The following KCNC2 variants were observed in gnomAD, a reference collection of about 807,000 sequenced individuals.
The protein encoded by KCNC2 is voltage-gated potassium channel KCNC2.
In KCNC2, 21 loss-of-function variants were observed where a neutral mutation model predicts 44.5. That is an observed-to-expected ratio of 0.47 (90% confidence interval 0.33 to 0.68). KCNC2 has a LOEUF of 0.68. KCNC2 is among the 30% of genes least tolerant of loss of function. The pLI is 0.01. For synonymous variants in KCNC2, 391 were observed against 339.1 expected (o/e 1.15, Z -1.68); for missense variants, 589 against 826.2 (o/e 0.71, Z 3.52).
At chr12:75,200,950 A>G (rs2137779623) in intron 2 of KCNC2, among the ~76,000 whole-genome samples, 1 of 151,824 alleles carries the variant, frequency 6.6e-6, no homozygotes, top group East Asian at 1.9e-4. Flanking sequence ...AAGGGGAAAA[A>G]CATGGTGTTG....
At chr12:75,074,544 C>T (rs959849949) in intron 2 of KCNC2, among the ~76,000 whole-genome samples, 7 of 152,096 alleles carry the variant, frequency 4.6e-5, no homozygotes, top group African/African-American at 1.7e-4. Flanking sequence ...ACAGTTTTAG[C>T]CTCACTTAGA....
intron 2 of KCNC2, among the ~76,000 whole-genome samples, chr12:75,065,642 A>G (rs1428260395): frequency 1.3e-5 from 2 of 152,084 alleles, no homozygotes; most frequent in African/African-American, 2.4e-5. Flanking sequence ...CATGTTGTAC[A>G]GGTTTGTAGC....
At position 75,104,409 on chromosome 12, in the gene KCNC2, G is replaced by A. The variant is rs115817602; in HGVS notation, c.688-53092C>T. Among the ~76,000 whole-genome samples, 822 of 152,022 alleles carry A rather than the reference G, an allele frequency of 5.4e-3. 6 individuals are homozygous for A. Among genetic ancestry groups the A allele is most frequent in the African/African-American group, 0.018 (765 of 41,456 alleles). On this transcript the variant is annotated intron_variant, in intron 2 of 4. Transcript: ENST00000549446. ...GGAATTTTCAATTTAATATTTTCAG[G>A]CCACAAACCACTAACTGGGTGTAAC...
At chr12:75,081,091 C>T (rs1884456744) in intron 2 of KCNC2, among the ~76,000 whole-genome samples, 1 of 118,574 alleles carries the variant, frequency 8.4e-6, no homozygotes, top group South Asian at 2.6e-4. Flanking sequence ...TATAGCCTTC[C>T]TGTAACGCTA....
chr12:75,043,137 G>A lies in KCNC2; in HGVS notation c.1885C>T (p.Arg629Cys), dbSNP rs200051664. 17 of 1,612,170 alleles carry A rather than the reference G, an allele frequency of 1.1e-5. No homozygotes were observed. The highest frequency in any genetic ancestry group is 1.7e-5 in the Admixed American group (1 of 59,836). The part of the protein sequence containing the change: ...SPYNSPCPLR[R>C]SRSPIPSIL The stretch of plus-strand genomic sequence containing the variant: ...ATAGATGGGATGGGAGATCGAGAGC[G>A]CCTCAGAGGACAAGGAGAGTTGTAG... Residue 629 changes from arginine to cysteine, a missense_variant, in exon 5 of 5, where the codon CGC becomes TGC. Arg to Cys is a radical substitution (Grantham distance 180, BLOSUM62 -3). Coordinates refer to ENST00000549446, the MANE Select transcript of KCNC2 (RefSeq NM_139137.4).
chr12:75,083,448 G>T (rs941706046), intron 2 of KCNC2, among the ~76,000 whole-genome samples: 1 of 151,870 alleles, frequency 6.6e-6, no homozygotes, highest in Non-Finnish European at 1.5e-5. Context: ...ACCAATGGGG[G>T]TGCATATTAA....
Position 75,050,706 on chromosome 12 carries a change from C to T in KCNC2, c.1299G>A (p.Val433=), listed in dbSNP as rs770146247. The part of the protein sequence containing the change: ...NIPIGFWWAV[V]TMTTLGYGDM... ...CCCCATAACCCAGGGTAGTCATGGT[C>T]ACTACAGCCCACCAGAACCCAATGG... The change falls in exon 3 of 5, where the codon GTG becomes GTA. Residue 433 remains valine, a synonymous_variant. Transcript: ENST00000549446. 5.6e-6 allele frequency: 9 copies of T among 1,613,534 alleles called. No individual in the cohort carries two copies. The South Asian group carries it at 8.8e-5, about 16-fold the overall frequency.
At chr12:75,181,224 GA>G (rs896128770) in intron 2 of KCNC2, among the ~76,000 whole-genome samples, 11 of 151,340 alleles carry the variant, frequency 7.3e-5, no homozygotes, top group South Asian at 2.1e-4. Flanking sequence ...GAAATGAAAG[GA>G]AAAAAAACAG....
In KCNC2 at chr12:75,130,835, A is replaced by G. The variant is rs1888790771; in HGVS notation, c.687+76462T>C. 2.6e-5 allele frequency among the ~76,000 whole-genome samples: 4 copies of G among 152,078 alleles called. No homozygotes were observed. In the South Asian group the frequency reaches 8.3e-4, roughly 32 times the overall value. ...CATGGTAAAATGAGGCAGGAAAGAC[A>G]GATAGGGAAGCTCAGATTTAGTCTA... On this transcript the variant is annotated intron_variant, in intron 2 of 4. Coordinates refer to ENST00000549446, the MANE Select transcript of KCNC2 (RefSeq NM_139137.4).
chr12:75,041,768 G>A lies in KCNC2; in HGVS notation c.*1337C>T, dbSNP rs984795618. The A allele has an allele frequency of 1.0e-6, 1 of 991,106 alleles. No individual in the cohort carries two copies. Among genetic ancestry groups the A allele is most frequent in the African/African-American group, 1.7e-5 (1 of 57,238 alleles). The allele number at this position is 991,106 out of a possible 1,614,324, so 61.4% of individuals were successfully genotyped here. A position where few individuals can be genotyped will look rare whatever the true frequency, so the allele number is the denominator to read the frequency against. Reference sequence around the variant, plus strand: ...CTGCTTAAACCCTGCTTATCAAAAAGATTCACAGTGCCGATTAACTTAGGT... The same window carrying A: ...CTGCTTAAACCCTGCTTATCAAAAAAATTCACAGTGCCGATTAACTTAGGT... On this transcript the variant is annotated 3_prime_UTR_variant, in exon 5 of 5. Coordinates refer to ENST00000549446, the MANE Select transcript of KCNC2 (RefSeq NM_139137.4).
chr12:75,193,868 G>C (rs2030525821), intron 2 of KCNC2, among the ~76,000 whole-genome samples: 1 of 152,058 alleles, frequency 6.6e-6, no homozygotes, highest in Non-Finnish European at 1.5e-5. Context: ...GATATCTGAA[G>C]AGATTCAATA....
chr12:75,041,176 G>C lies in KCNC2; in HGVS notation c.*1929C>G, dbSNP rs1879859299. The stretch of plus-strand genomic sequence containing the variant: ...AAATTCCACTGTCCCTTTCTCAGCA[G>C]TCAATAATCCATGATAAATTCTGTA... On this transcript the variant is annotated 3_prime_UTR_variant, in exon 5 of 5. Coordinates refer to ENST00000549446, the MANE Select transcript of KCNC2 (RefSeq NM_139137.4). 1 of 1,596,192 alleles carries C rather than the reference G, an allele frequency of 6.3e-7. No homozygotes were observed. The highest frequency in any genetic ancestry group is 8.5e-7 in the Non-Finnish European group (1 of 1,178,452).
intron 2 of KCNC2, among the ~76,000 whole-genome samples, chr12:75,083,680 G>A (rs2137091274): frequency 6.6e-6 from 1 of 152,004 alleles, no homozygotes; most frequent in African/African-American, 2.4e-5. Context: ...AAGCAAGATA[G>A]TAGAATTATT....
intron 2 of KCNC2, among the ~76,000 whole-genome samples, chr12:75,201,632 C>T (rs925096347): frequency 2.0e-5 from 3 of 151,776 alleles, no homozygotes; most frequent in Admixed American, 6.6e-5. Context: ...ACATAATATC[C>T]AGTCCTGCTC....
intron 2 of KCNC2, among the ~76,000 whole-genome samples, chr12:75,115,039 A>G (rs1887556898): frequency 6.6e-6 from 1 of 151,238 alleles, no homozygotes; most frequent in Non-Finnish European, 1.5e-5. Context: ...AATTTTTTGT[A>G]TTTTTAGTAG....
At chr12:75,184,242 C>T (rs778805005) in intron 2 of KCNC2, among the ~76,000 whole-genome samples, 22 of 152,176 alleles carry the variant, frequency 1.4e-4, no homozygotes, top group East Asian at 1.9e-4. Context: ...CAGAGTCTTC[C>T]GTTTTGTAGA....
intron 2 of KCNC2, among the ~76,000 whole-genome samples, chr12:75,179,330 T>C (rs2137631223): frequency 6.6e-6 from 1 of 152,020 alleles, no homozygotes; most frequent in African/African-American, 2.4e-5. Context: ...ATCTCAATTT[T>C]CTTTTCTTTG....
chr12:75,057,726 A>C (rs1204324681), intron 2 of KCNC2, among the ~76,000 whole-genome samples: 4 of 152,006 alleles, frequency 2.6e-5, no homozygotes, highest in African/African-American at 9.7e-5. Context: ...CAGATTATAC[A>C]TAAACATGTA....
chr12:75,104,497 C>T (rs1293909651), intron 2 of KCNC2, among the ~76,000 whole-genome samples: 1 of 152,030 alleles, frequency 6.6e-6, no homozygotes, highest in Non-Finnish European at 1.5e-5. Flanking sequence ...CAGTACAGCA[C>T]ATTTCCTCCC....
Sources: allele counts gnomAD v4.1 joint callset (sites outside exome capture counted in the v4.1 genomes callset), GRCh38; gene constraint gnomAD v4.1.1; transcripts MANE v1.5; gene names NCBI Gene and HGNC (gene_info 2026-07-23, HGNC 2026-07-21).